The following ASPRV1 variants were observed in gnomAD, a reference collection of about 807,000 sequenced individuals.
ASPRV1 encodes retroviral-like aspartic protease 1.
Under a neutral mutation model 11.0 loss-of-function variants are expected in ASPRV1, and 7 were observed. That is an observed-to-expected ratio of 0.64 (90% CI 0.36 to 1.20). The LOEUF (loss-of-function observed/expected upper bound fraction) is 1.20. Among genes scored for constraint, ASPRV1 ranks in the 50% most tolerant of loss-of-function variants. The probability of loss-of-function intolerance (pLI) is 0.02; values close to 1 mark genes in which losing one functional copy is unlikely to be tolerated. For synonymous variants in ASPRV1, 136 were observed against 138.4 expected (o/e 0.98, Z 0.12); for missense variants, 299 against 320.0 (o/e 0.93, Z 0.50).
chr2:70,087,371 G>A, the ASPRV1 span: 1 of 152,204 alleles, frequency 6.6e-6, no homozygotes, highest in Non-Finnish European at 1.5e-5. Flanking sequence ...GCAATCTTGT[G>A]ACCTAAAAAA....
chr2:70,061,624 T>A, the ASPRV1 span, among the ~76,000 whole-genome samples: 5 of 151,950 alleles, frequency 3.3e-5, no homozygotes, highest in African/African-American at 1.2e-4. Context: ...AGGATCCAAG[T>A]AAAGAACTCA....
the ASPRV1 span, among the ~76,000 whole-genome samples, chr2:70,022,181 A>AT: frequency 1.1e-3 from 157 of 148,378 alleles, 3 homozygotes; most frequent in East Asian, 0.024. Flanking sequence ...TGCCCGGCTA[A>AT]TTTTTTTGTA....
At chr2:70,087,333 T>C in the ASPRV1 span, 2 of 152,150 alleles carry the variant, frequency 1.3e-5, no homozygotes, top group Non-Finnish European at 2.9e-5. Flanking sequence ...CAGAAGGTTT[T>C]TTTTTTAAGG....
At chr2:70,065,819 C>CAAAAAAAAAAAAAAAAAAAAAAAAA in the ASPRV1 span, among the ~76,000 whole-genome samples, 1 of 67,448 alleles carries the variant, frequency 1.5e-5, no homozygotes, top group Admixed American at 1.9e-4. Context: ...GCTTTTGACT[C>CAAAAAAAAAAAAAAAAAAAAAAAAA]AAAAAAAAAA....
At chr2:69,952,388 C>T in the ASPRV1 span, among the ~76,000 whole-genome samples, 1 of 152,090 alleles carries the variant, frequency 6.6e-6, no homozygotes, top group South Asian at 2.1e-4. Flanking sequence ...CATCTATAGT[C>T]CCAGCTACCA....
chr2:70,031,220 T>C, the ASPRV1 span: 1 of 152,168 alleles, frequency 6.6e-6, no homozygotes, highest in African/African-American at 2.4e-5. Context: ...ACATGCATGA[T>C]CTCATGTGAT....
At chr2:70,051,162 A>C in the ASPRV1 span, 1 of 152,168 alleles carries the variant, frequency 6.6e-6, no homozygotes, top group African/African-American at 2.4e-5. Context: ...TCCCTACTTA[A>C]CCGAGATGAA....
the ASPRV1 span, among the ~76,000 whole-genome samples, chr2:70,039,533 C>T: frequency 9.2e-5 from 14 of 152,268 alleles, no homozygotes; most frequent in Non-Finnish European, 7.4e-5. Context: ...AATCCTTAGA[C>T]GTTTAAACCA....
the ASPRV1 span, among the ~76,000 whole-genome samples, chr2:69,933,200 C>CAAA: frequency 2.9e-4 from 23 of 80,126 alleles, no homozygotes; most frequent in East Asian, 7.2e-4. Flanking sequence ...AACTCTGTCT[C>CAAA]AAAAAAAAAA....
At chr2:69,964,273 C>A, upstream of ASPRV1, 1 of 432,692 alleles carries the variant, frequency 2.3e-6, no homozygotes, top group Admixed American at 2.7e-5. Context: ...TTCTGTGCTG[C>A]TGTGGCTTGA....
At chr2:69,937,087 TC>T in the ASPRV1 span, 1 of 1,050,822 alleles carries the variant, frequency 9.5e-7, no homozygotes, top group Non-Finnish European at 1.5e-6. Flanking sequence ...CCAGTCGACT[TC>T]CTGTCTCAGG....
chr2:69,961,051 G>A lies in ASPRV1; in HGVS notation c.386C>T (p.Ser129Phe), dbSNP rs1173466910. 2.5e-6 allele frequency: 4 copies of A among 1,613,984 alleles called. No homozygotes were observed. Among genetic ancestry groups the A allele is most frequent in the Non-Finnish European group, 3.4e-6 (4 of 1,179,942 alleles). ...GKVPVRFLVDSGAQVSVVHPN... is the reference protein window; with the variant it reads ...GKVPVRFLVDFGAQVSVVHPN... Reference sequence around the variant, plus strand: ...GTGGACCACAGAGACCTGGGCCCCAGAGTCCACCAGGAACCTCACGGGCAC... The same window carrying A: ...GTGGACCACAGAGACCTGGGCCCCAAAGTCCACCAGGAACCTCACGGGCAC... The change falls in exon 1 of 1, where the codon TCT (serine) becomes TTT (phenylalanine). Residue 129 changes from serine (S) to phenylalanine (F), a missense_variant. Coordinates refer to ENST00000320256, the MANE Select transcript of ASPRV1 (RefSeq NM_152792.4).
At chr2:69,945,152 G>GGA in the ASPRV1 span, among the ~76,000 whole-genome samples, 2 of 152,154 alleles carry the variant, frequency 1.3e-5, no homozygotes, top group African/African-American at 2.4e-5. Flanking sequence ...TGAGATGGGA[G>GGA]GATGGGCGCC....
the ASPRV1 span, chr2:69,975,561 A>G: frequency 6.6e-6 from 1 of 152,280 alleles, no homozygotes; most frequent in South Asian, 2.1e-4. Flanking sequence ...TCACTTGCCT[A>G]GAGAGAGAGG....
chr2:70,045,715 G>C, the ASPRV1 span: 1 of 152,174 alleles, frequency 6.6e-6, no homozygotes, highest in African/African-American at 2.4e-5. Flanking sequence ...TTGAGGTCAG[G>C]AGTTCGAGAC....
chr2:70,086,988 G>A, the ASPRV1 span: 4 of 152,060 alleles, frequency 2.6e-5, no homozygotes, highest in Non-Finnish European at 5.9e-5. Flanking sequence ...CCGCTCCGCA[G>A]GCCTCGCCTC....
chr2:69,992,343 C>T, the ASPRV1 span, among the ~76,000 whole-genome samples: 8 of 152,222 alleles, frequency 5.3e-5, no homozygotes, highest in Non-Finnish European at 1.0e-4. Context: ...GACCAGGATT[C>T]CTTTACAATC....
the ASPRV1 span, among the ~76,000 whole-genome samples, chr2:70,019,988 G>A: frequency 2.7e-5 from 4 of 150,472 alleles, no homozygotes; most frequent in Admixed American, 2.7e-4. Context: ...CAATGTGTGT[G>A]TATATATATA....
chr2:69,998,550 C>A, the ASPRV1 span, among the ~76,000 whole-genome samples: 12 of 151,860 alleles, frequency 7.9e-5, 1 homozygote, highest in Non-Finnish European at 1.8e-4. Flanking sequence ...CACGGTGAAA[C>A]CCCGTCTCTA....
Sources: gnomAD v4.1 joint callset for allele counts (sites outside exome capture counted in the v4.1 genomes callset) on GRCh38, gnomAD v4.1.1 for gene constraint, MANE v1.5 for transcripts, NCBI Gene and HGNC (gene_info 2026-07-23, HGNC 2026-07-21) for gene names.